Variants in SGO1 observed in about 807,000 individuals in gnomAD.
SGO1 encodes serologically defined breast cancer antigen NY-BR-85.
SGO1 carries 39 observed loss-of-function variants against 50.5 expected under a neutral mutation model. The ratio of observed to expected loss-of-function variants is 0.77; its 90% CI spans 0.60 to 1.01. SGO1 has a LOEUF of 1.01. Ranked by LOEUF, SGO1 falls within the 50% of genes least tolerant of loss-of-function variation. The pLI, the probability that SGO1 is intolerant of heterozygous loss-of-function variation, is 0.00. For synonymous variants in SGO1, 191 were observed against 205.1 expected, an observed-to-expected ratio of 0.93 and a Z score of 0.59; for missense variants, 638 against 606.0, an observed-to-expected ratio of 1.05 and a Z score of -0.55.
At chr3:20,184,175 TA>T (rs1702359566) in intron 1 of SGO1, 141 bp from the exon 2 acceptor site, 1 of 555,550 alleles carries the variant, frequency 1.8e-6, no homozygotes, top group Non-Finnish European at 2.8e-6. Flanking sequence ...AACTTGATAA[TA>T]TAAATTTTCC....
In SGO1 at chr3:20,174,309, C is replaced by G; in HGVS notation, c.1222G>C (p.Ala408Pro). The change falls in exon 6 of 8, where the codon GCA becomes CCA. Residue 408 changes from alanine to proline, a missense_variant. Transcript: ENST00000412997. ...TCTTTTTCATCTGTGTATTTCAGTG[C>G]TCTTTTAGCTAGAGGCCTGGTGACT... ...RPVTRPLAKR[A>P]LKYTDEKETE... 1 of 1,614,182 alleles carries G rather than the reference C, an allele frequency of 6.2e-7. No homozygotes were observed. The highest frequency in any genetic ancestry group is 8.5e-7 in the Non-Finnish European group (1 of 1,180,018).
At chr3:20,182,690 CCTT>C in intron 3 of SGO1, among the ~76,000 whole-genome samples, 1 of 152,218 alleles carries the variant, frequency 6.6e-6, no homozygotes, top group East Asian at 1.9e-4. Flanking sequence ...TATTTGAACA[CCTT>C]CTTTACAATC....
Position 20,174,409 on chromosome 3 carries a change from T to C in SGO1, c.1122A>G (p.Ser374=). 2.5e-6 allele frequency: 4 copies of C among 1,614,214 alleles called. No homozygotes were observed. Among genetic ancestry groups the C allele is most frequent in the Non-Finnish European group, 3.4e-6 (4 of 1,180,040 alleles). The change falls in exon 6 of 8, where the codon TCA becomes TCG. Residue 374 remains serine, a synonymous_variant. Transcript: ENST00000412997. ...AATAGAGGTCATCGGAATCATCTCC[T>C]GAACCACTTGATTCACAGAGGCTCA... The part of the protein sequence containing the change: ...SEVSLCESSG[S]GDDSDDLYLP...
intron 3 of SGO1, among the ~76,000 whole-genome samples, chr3:20,180,763 A>C (rs758668171): frequency 3.3e-5 from 5 of 152,250 alleles, no homozygotes; most frequent in Non-Finnish European, 7.3e-5. Context: ...TTTGATGAAC[A>C]TATGCTGACA....
intron 3 of SGO1, among the ~76,000 whole-genome samples, chr3:20,180,206 G>A (rs3913938): frequency 0.29 from 44,713 of 151,996 alleles, 7,816 homozygotes; most frequent in East Asian, 0.73. Flanking sequence ...AGGATCACTT[G>A]AGCCTGGGAG....
In SGO1 at chr3:20,169,535, TA is replaced by T. The variant is rs1309073556; in HGVS notation, c.*1168del. The T allele has an allele frequency of 2.0e-6, 2 of 983,260 alleles. No homozygotes were observed. The highest frequency in any genetic ancestry group is 3.5e-5 in the African/African-American group (2 of 57,210). 60.9% of individuals were successfully genotyped at this position (983,260 alleles called of 1,614,324 possible). On this transcript the variant is annotated 3_prime_UTR_variant, in exon 8 of 8. Coordinates refer to ENST00000412997, the MANE Select transcript of SGO1 (RefSeq NM_001199251.3). ...TAAAAATGAATAACCTACAAAGTTC[TA>T]AAATTTAAAGAGGTATATACAAGTA...
At chr3:20,169,365 C>T (rs552898892), downstream of SGO1, 35 of 983,544 alleles carry the variant, frequency 3.6e-5, no homozygotes, top group African/African-American at 5.2e-4. Context: ...CCTAGAACAC[C>T]CCCCCCTCAA....
intron 5 of SGO1, 95 bp from the exon 6 acceptor site, chr3:20,175,150 C>A: frequency 1.6e-6 from 2 of 1,241,650 alleles, no homozygotes; most frequent in Admixed American, 6.8e-5. Flanking sequence ...AGTGAATGAC[C>A]AAAAGGTCAT....
chr3:20,184,481 C>G (rs1702394510), intron 1 of SGO1, among the ~76,000 whole-genome samples: 1 of 152,178 alleles, frequency 6.6e-6, no homozygotes, highest in African/African-American at 2.4e-5. Context: ...TTTTCCAGCT[C>G]TTCTCTAATG....
chr3:20,185,892 T>C (rs1702608075), intron 1 of SGO1, 56 bp downstream of exon 1: 1 of 152,162 alleles, frequency 6.6e-6, no homozygotes, highest in Non-Finnish European at 1.5e-5. Context: ...GAATTTAGAA[T>C]GATACTGAAA....
intron 8 of SGO1, among the ~76,000 whole-genome samples, chr3:20,162,857 G>A (rs1458514143): frequency 6.6e-6 from 1 of 150,702 alleles, no homozygotes; most frequent in Non-Finnish European, 1.5e-5. Flanking sequence ...ATTAATAGAC[G>A]ATTTAACAAA....
At chr3:20,178,648 T>G (rs1375325640) in intron 3 of SGO1, among the ~76,000 whole-genome samples, 1 of 152,208 alleles carries the variant, frequency 6.6e-6, no homozygotes, top group Non-Finnish European at 1.5e-5. Flanking sequence ...GGATTGCTCT[T>G]TTAAATACAG....
Position 20,170,370 on chromosome 3 carries a change from C to A in SGO1, c.*334G>T, listed in dbSNP as rs1158056238. 3.3e-6 allele frequency: 3 copies of A among 911,244 alleles called. No individual in the cohort carries two copies. In the East Asian group the frequency reaches 3.5e-4, roughly 106 times the overall value. 56.4% of individuals were successfully genotyped at this position (911,244 alleles called of 1,614,324 possible). A position where few individuals can be genotyped will look rare whatever the true frequency, so the allele number is the denominator to read the frequency against. On this transcript the variant is annotated 3_prime_UTR_variant, in exon 8 of 8. Coordinates refer to ENST00000412997, the MANE Select transcript of SGO1 (RefSeq NM_001199251.3). ...CTGAGATCGTGCCATTGCACTCCAGCCTGGGCAACAAGAATGAAATTCCGC... is the reference window on the plus strand; with the variant it reads ...CTGAGATCGTGCCATTGCACTCCAGACTGGGCAACAAGAATGAAATTCCGC...
downstream of SGO1, among the ~76,000 whole-genome samples, chr3:20,167,613 G>A (rs866840526): frequency 1.2e-4 from 19 of 152,214 alleles, no homozygotes; most frequent in Middle Eastern, 3.4e-3. Flanking sequence ...TTAAAACAAA[G>A]AAATAATTTC....
chr3:20,184,542 G>A (rs1702401188), intron 1 of SGO1, among the ~76,000 whole-genome samples: 1 of 151,934 alleles, frequency 6.6e-6, no homozygotes, highest in African/African-American at 2.4e-5. Flanking sequence ...CTCTTTAAAC[G>A]CAATTATCAC....
At chr3:20,182,322 C>A (rs1702109851) in intron 3 of SGO1, among the ~76,000 whole-genome samples, 2 of 152,072 alleles carry the variant, frequency 1.3e-5, no homozygotes, top group Admixed American at 6.6e-5. Context: ...TTCTCAAGTA[C>A]CTGCCCACCT....
chr3:20,184,182 T>C (rs974599721), intron 1 of SGO1, 148 bp from the exon 2 acceptor site: 2 of 546,714 alleles, frequency 3.7e-6, no homozygotes, highest in South Asian at 8.9e-5. Context: ...TAATATAAAT[T>C]TTCCCCTTTT....
At chr3:20,183,379 T>TA in intron 3 of SGO1, among the ~76,000 whole-genome samples, 1 of 152,248 alleles carries the variant, frequency 6.6e-6, no homozygotes. Flanking sequence ...CCTGTTTTGC[T>TA]ACCTGCTTTA....
chr3:20,183,816 T>TA lies in SGO1; in HGVS notation c.143-13dup, dbSNP rs781439432. The TA allele has an allele frequency of 6.2e-7, 1 of 1,600,462 alleles. No individual in the cohort carries two copies. The highest frequency in any genetic ancestry group is 8.5e-7 in the Non-Finnish European group (1 of 1,176,802). ...TGTAGAAGTGTTGGCTAAAAGAGGA[T>TA]AAAAAAATTTATCAGTTATTAAATC... On this transcript the variant is annotated splice_polypyrimidine_tract_variant and intron_variant, in intron 2 of 7. Coordinates refer to ENST00000412997, the MANE Select transcript of SGO1 (RefSeq NM_001199251.3).
Sources: gnomAD v4.1 joint callset for allele counts (sites outside exome capture counted in the v4.1 genomes callset) on GRCh38, gnomAD v4.1.1 for gene constraint, MANE v1.5 for transcripts, NCBI Gene and HGNC (gene_info 2026-07-23, HGNC 2026-07-21) for gene names.